The following CAMK4 variants were observed in gnomAD, a reference collection of about 807,000 sequenced individuals.
CAMK4 encodes calcium/calmodulin dependent protein kinase IV, also known as calcium/calmodulin-dependent protein kinase type IV.
A neutral mutation model predicts 44.9 loss-of-function variants in CAMK4; 22 were observed. The observed-to-expected ratio is 0.49, with a 90% CI of 0.35 to 0.70. The LOEUF is 0.70. Ranked by LOEUF, CAMK4 falls within the 30% of genes least tolerant of loss-of-function variation. CAMK4 has a pLI of 0.01. For synonymous variants in CAMK4, 218 were observed against 215.4 expected (o/e 1.01, Z -0.11); for missense variants, 498 against 586.8 (o/e 0.85, Z 1.56).
chr5:111,243,950 T>TTTTG (rs1194737028), intron 1 of CAMK4, among the ~76,000 whole-genome samples: 1 of 152,124 alleles, frequency 6.6e-6, no homozygotes, highest in Non-Finnish European at 1.5e-5. Context: ...CAGTCCAGTG[T>TTTTG]TTTGTTTGTT....
At chr5:111,440,946 T>C (rs1211275720) in intron 5 of CAMK4, among the ~76,000 whole-genome samples, 1 of 152,152 alleles carries the variant, frequency 6.6e-6, no homozygotes, top group Non-Finnish European at 1.5e-5. Flanking sequence ...TACTACATGC[T>C]CATAACATAC....
chr5:111,363,371 C>A (rs1010082298), intron 2 of CAMK4, among the ~76,000 whole-genome samples: 2 of 152,016 alleles, frequency 1.3e-5, no homozygotes, highest in African/African-American at 4.8e-5. Flanking sequence ...ATTTTGTATT[C>A]AATCACCAGC....
chr5:111,282,904 A>G (rs556255248), intron 1 of CAMK4: 9 of 152,320 alleles, frequency 5.9e-5, no homozygotes, highest in African/African-American at 2.2e-4. Context: ...TTAGCCCACA[A>G]TTGGGCAAAA....
intron 1 of CAMK4, among the ~76,000 whole-genome samples, chr5:111,285,876 C>T (rs909112705): frequency 1.3e-4 from 20 of 152,164 alleles, no homozygotes; most frequent in African/African-American, 4.8e-4. Flanking sequence ...TGTTGTCATC[C>T]ATTTCTCTGA....
chr5:111,353,820 G>C (rs111247350), intron 2 of CAMK4, among the ~76,000 whole-genome samples: 1,907 of 152,198 alleles, frequency 0.013, 50 homozygotes, highest in African/African-American at 0.044. Flanking sequence ...TCTGAAAACT[G>C]TAAAACATTG....
rs115780891 is a variant in CAMK4 at position 111,279,930 on chromosome 5, T to C, written c.161+55286T>C. Reference sequence around the variant, plus strand: ...TAGTGGGTGGTAGGATCATTCCTGATGAGCTTTCATTGGGCGAATTGAGGG... The same window carrying C: ...TAGTGGGTGGTAGGATCATTCCTGACGAGCTTTCATTGGGCGAATTGAGGG... On this transcript the variant is annotated intron_variant, in intron 1 of 10. Transcript: ENST00000282356. Among the ~76,000 whole-genome samples the C allele has an allele frequency of 3.8e-3, 582 of 152,322 alleles. 7 individuals carry two copies. Among genetic ancestry groups the C allele is most frequent in the African/African-American group, 0.013 (542 of 41,582 alleles).
intron 5 of CAMK4, among the ~76,000 whole-genome samples, chr5:111,434,022 C>T (rs765068861): frequency 2.6e-5 from 4 of 152,116 alleles, no homozygotes; most frequent in Non-Finnish European, 5.9e-5. Flanking sequence ...GCTGGCCTTG[C>T]GCGGTGGCTC....
intron 1 of CAMK4, among the ~76,000 whole-genome samples, chr5:111,244,570 A>G (rs990488954): frequency 6.6e-6 from 1 of 152,226 alleles, no homozygotes; most frequent in Non-Finnish European, 1.5e-5. Flanking sequence ...ATTAAAATAT[A>G]ACATAAAATA....
intron 4 of CAMK4, among the ~76,000 whole-genome samples, chr5:111,390,872 G>A (rs1367771066): frequency 2.6e-5 from 4 of 152,176 alleles, no homozygotes; most frequent in African/African-American, 9.6e-5. Flanking sequence ...GAAGAGCCAT[G>A]TGGAATGATC....
At chr5:111,413,199 G>A (rs1752689642) in intron 5 of CAMK4, among the ~76,000 whole-genome samples, 1 of 152,068 alleles carries the variant, frequency 6.6e-6, no homozygotes, top group African/African-American at 2.4e-5. Flanking sequence ...ATATTTTAAT[G>A]ATATATTTCA....
chr5:111,491,488 T>G lies in CAMK4; in HGVS notation c.*7022T>G, dbSNP rs2112519723. 1 of 152,202 alleles carries G rather than the reference T, an allele frequency of 6.6e-6. No homozygotes were observed. Among genetic ancestry groups the G allele is most frequent in the South Asian group, 2.1e-4 (1 of 4,806 alleles). The allele number at this position is 152,202 out of a possible 1,614,324, so 9.4% of individuals were successfully genotyped here. On this transcript the variant is annotated 3_prime_UTR_variant, in exon 11 of 11. Transcript: ENST00000282356. ...GTATTCCCATTTGCTTCTGAGAAAGTTAGGAAAATTTTGTTTTATGTTGCA... is the reference window on the plus strand; with the variant it reads ...GTATTCCCATTTGCTTCTGAGAAAGGTAGGAAAATTTTGTTTTATGTTGCA...
At chr5:111,460,284 T>TTTG in intron 7 of CAMK4, among the ~76,000 whole-genome samples, 1 of 147,972 alleles carries the variant, frequency 6.8e-6, no homozygotes, top group African/African-American at 2.5e-5. Flanking sequence ...TTTTTTTTTT[T>TTTG]TGAGGCAGAG....
At chr5:111,331,446 G>A (rs927260926) in intron 1 of CAMK4, among the ~76,000 whole-genome samples, 2 of 151,714 alleles carry the variant, frequency 1.3e-5, no homozygotes, top group African/African-American at 4.8e-5. Context: ...TGTTGATGAA[G>A]ATGTGGAGCA....
At chr5:111,439,004 C>G (rs1753738697) in intron 5 of CAMK4, among the ~76,000 whole-genome samples, 1 of 152,206 alleles carries the variant, frequency 6.6e-6, no homozygotes, top group Non-Finnish European at 1.5e-5. Flanking sequence ...GCCTTTGCCT[C>G]TTAAAGGGTC....
At chr5:111,362,136 TA>T (rs1750617014) in intron 2 of CAMK4, among the ~76,000 whole-genome samples, 1 of 152,018 alleles carries the variant, frequency 6.6e-6, no homozygotes, top group Admixed American at 6.6e-5. Context: ...ATTCAATCCT[TA>T]AAACAATAAT....
chr5:111,446,070 C>T (rs1378796235), intron 5 of CAMK4, among the ~76,000 whole-genome samples: 1 of 152,202 alleles, frequency 6.6e-6, no homozygotes, highest in Non-Finnish European at 1.5e-5. Flanking sequence ...AGCAGAGTTG[C>T]TAGATGTGAT....
chr5:111,405,461 C>T (rs306101), intron 5 of CAMK4, among the ~76,000 whole-genome samples: 81,668 of 151,890 alleles, frequency 0.54, 22,685 homozygotes, highest in African/African-American at 0.69. Flanking sequence ...AGCAAGACTG[C>T]GTCTCAAAAC....
At chr5:111,230,377 C>T (rs1748411013) in intron 1 of CAMK4, among the ~76,000 whole-genome samples, 1 of 152,158 alleles carries the variant, frequency 6.6e-6, no homozygotes, top group Admixed American at 6.5e-5. Flanking sequence ...GACTAAAAGG[C>T]ATGAAATGCC....
chr5:111,225,106 C>G (rs1748122925), intron 1 of CAMK4, among the ~76,000 whole-genome samples: 1 of 152,112 alleles, frequency 6.6e-6, no homozygotes, highest in Non-Finnish European at 1.5e-5. Flanking sequence ...GCAAGTGACA[C>G]GAGAAATTAA....
Sources: allele counts gnomAD v4.1 joint callset (sites outside exome capture counted in the v4.1 genomes callset), GRCh38; gene constraint gnomAD v4.1.1; transcripts MANE v1.5; gene names NCBI Gene and HGNC (gene_info 2026-07-23, HGNC 2026-07-21).